The following FBXL7 variants were observed in gnomAD, a reference collection of about 807,000 sequenced individuals.
The protein encoded by FBXL7 is F-box and leucine rich repeat protein 7.
In FBXL7, 12 loss-of-function variants were observed where a neutral mutation model predicts 38.3. The observed-to-expected ratio is 0.31, with a 90% CI of 0.20 to 0.51. The LOEUF (loss-of-function observed/expected upper bound fraction) is 0.51. FBXL7 is among the 20% of genes least tolerant of loss of function. The pLI is 0.98. For missense variants in FBXL7, 567 were observed against 676.4 expected (o/e 0.84, Z 1.79); for synonymous variants, 297 against 300.9 (o/e 0.99, Z 0.13).
chr5:15,710,363 C>T (rs890139753), intron 2 of FBXL7, among the ~76,000 whole-genome samples: 1 of 152,156 alleles, frequency 6.6e-6, no homozygotes, highest in African/African-American at 2.4e-5. Flanking sequence ...CACCTCAAGG[C>T]CTCTGCATTT....
intron 1 of FBXL7, among the ~76,000 whole-genome samples, chr5:15,538,699 T>C (rs1737655661): frequency 6.6e-6 from 1 of 152,232 alleles, no homozygotes; most frequent in African/African-American, 2.4e-5. Context: ...TATTTAAAGC[T>C]ATTTAAATGC....
intron 2 of FBXL7, among the ~76,000 whole-genome samples, chr5:15,852,022 T>C (rs1739111930): frequency 6.6e-6 from 1 of 152,112 alleles, no homozygotes; most frequent in African/African-American, 2.4e-5. Context: ...ATCTCTCCTT[T>C]GCATGCCCTG....
intron 1 of FBXL7, among the ~76,000 whole-genome samples, chr5:15,550,035 A>C (rs1233844099): frequency 1.3e-5 from 2 of 152,212 alleles, no homozygotes; most frequent in African/African-American, 4.8e-5. Flanking sequence ...CTGTACAAAA[A>C]GGCTTTAGAT....
At chr5:15,799,617 C>T (rs1429993272) in intron 2 of FBXL7, among the ~76,000 whole-genome samples, 4 of 152,176 alleles carry the variant, frequency 2.6e-5, no homozygotes, top group Admixed American at 1.3e-4. Context: ...CAGCCTCGGC[C>T]TCCCGAAGTG....
intron 2 of FBXL7, among the ~76,000 whole-genome samples, chr5:15,801,661 G>A (rs1413969918): frequency 1.6e-4 from 24 of 147,516 alleles, no homozygotes; most frequent in East Asian, 1.2e-3. Flanking sequence ...GTGTGTGCGC[G>A]CGCGCGTGTG....
chr5:15,756,795 A>C (rs891816581), intron 2 of FBXL7, among the ~76,000 whole-genome samples: 3 of 152,146 alleles, frequency 2.0e-5, no homozygotes, highest in African/African-American at 7.2e-5. Flanking sequence ...TCCTTCTCAA[A>C]AGTTTTCATG....
intron 2 of FBXL7, among the ~76,000 whole-genome samples, chr5:15,837,807 G>A (rs910566915): frequency 2.6e-5 from 4 of 152,068 alleles, no homozygotes; most frequent in Non-Finnish European, 5.9e-5. Context: ...GTCTGCATCT[G>A]ACAGCTTCAG....
At chr5:15,704,456 A>G (rs1255091805) in intron 2 of FBXL7, among the ~76,000 whole-genome samples, 1 of 152,176 alleles carries the variant, frequency 6.6e-6, no homozygotes, top group Non-Finnish European at 1.5e-5. Context: ...CTCTTCTATG[A>G]TTATTCAGGT....
rs541206817 is a variant in FBXL7 at position 15,825,515 on chromosome 5, G to T, written c.128-102375G>T. ...AATTTGCTTATTTAGAATTGTTAGA[G>T]GTTTTCACCAGCTTCTAGCCAACAG... On this transcript the variant is annotated intron_variant, in intron 2 of 3. Transcript: ENST00000504595. Among the ~76,000 whole-genome samples, 5 of 152,286 alleles carry T rather than the reference G, an allele frequency of 3.3e-5. No homozygotes were observed. In the South Asian group the frequency reaches 1.0e-3, roughly 32 times the overall value.
chr5:15,722,428 T>C (rs571883594), intron 2 of FBXL7, among the ~76,000 whole-genome samples: 2 of 152,246 alleles, frequency 1.3e-5, no homozygotes, highest in African/African-American at 4.8e-5. Context: ...CTACTACAAG[T>C]TGTTAACCTC....
chr5:15,595,999 G>A (rs1168185859), intron 1 of FBXL7, among the ~76,000 whole-genome samples: 1 of 152,208 alleles, frequency 6.6e-6, no homozygotes, highest in Non-Finnish European at 1.5e-5. Flanking sequence ...ACTCATTAGG[G>A]CTGCTGTAAG....
In FBXL7 at chr5:15,709,065, C is replaced by T. The variant is rs536816882; in HGVS notation, c.127+92993C>T. On this transcript the variant is annotated intron_variant, in intron 2 of 3. Coordinates refer to ENST00000504595, the MANE Select transcript of FBXL7 (RefSeq NM_012304.5). ...GTTTAGTTCCTTTGCATTGAATGAT[C>T]AAGAGTGGGTTCCACTGAGAGCACA... is the stretch of plus-strand genomic sequence containing the variant. 3.9e-5 allele frequency among the ~76,000 whole-genome samples: 6 copies of T among 152,250 alleles called. No individual in the cohort carries two copies. The East Asian group carries it at 9.7e-4, about 25-fold the overall frequency.
rs1736462207 is a variant in FBXL7, at chr5:15,500,623, C to G, written c.-54C>G. On this transcript the variant is annotated 5_prime_UTR_variant, in exon 1 of 4. Transcript: ENST00000504595. ...CTTTCCTCGGGCCGAGCGCGCAGGA[C>G]GTGCGCCGCAGCTATGGAGTGTCCC... The G allele has an allele frequency of 1.2e-6, 2 of 1,611,666 alleles. No homozygotes were observed. The highest frequency in any genetic ancestry group is 1.6e-4 in the Middle Eastern group (1 of 6,080).
intron 2 of FBXL7, among the ~76,000 whole-genome samples, chr5:15,814,673 C>A (rs1249584823): frequency 6.6e-6 from 1 of 151,754 alleles, no homozygotes; most frequent in Non-Finnish European, 1.5e-5. Context: ...AAAAATGTTC[C>A]ATGATCAGAT....
intron 2 of FBXL7, among the ~76,000 whole-genome samples, chr5:15,628,491 G>T (rs1740890894): frequency 6.6e-6 from 1 of 152,124 alleles, no homozygotes. Flanking sequence ...GCTTGGTGGG[G>T]ATAGATTTAC....
chr5:15,873,433 A>G (rs1439163740), intron 2 of FBXL7, among the ~76,000 whole-genome samples: 2 of 152,158 alleles, frequency 1.3e-5, no homozygotes, highest in East Asian at 1.9e-4. Flanking sequence ...TGAGGGAGAT[A>G]GAGACACAAA....
rs1380165272 is a variant in FBXL7, at chr5:15,933,175, TAA to T, written c.740-3274_740-3273del. ...TTTCATCCCAAACCTAGCAAATCTATAAGAGTTTGGGCAAAACCTAAAATCTA... is the reference window on the plus strand; with the variant it reads ...TTTCATCCCAAACCTAGCAAATCTATGAGTTTGGGCAAAACCTAAAATCTA... On this transcript the variant is annotated intron_variant, in intron 3 of 3. Coordinates refer to ENST00000504595, the MANE Select transcript of FBXL7 (RefSeq NM_012304.5). Among the ~76,000 whole-genome samples the T allele has an allele frequency of 3.3e-5, 5 of 152,214 alleles. No homozygotes were observed. In the East Asian group the frequency reaches 9.6e-4, roughly 29 times the overall value.
intron 2 of FBXL7, among the ~76,000 whole-genome samples, chr5:15,712,822 C>T (rs1028244431): frequency 6.6e-6 from 1 of 152,170 alleles, no homozygotes; most frequent in Admixed American, 6.5e-5. Context: ...TATGTGTCAA[C>T]TTGTCTCCTC....
At chr5:15,527,083 C>T (rs139644929) in intron 1 of FBXL7, among the ~76,000 whole-genome samples, 7 of 152,304 alleles carry the variant, frequency 4.6e-5, no homozygotes, top group Non-Finnish European at 8.8e-5. Flanking sequence ...TCCTTTTAGA[C>T]CAGTACACCT....
Sources: gnomAD v4.1 joint callset for allele counts (sites outside exome capture counted in the v4.1 genomes callset) on GRCh38, gnomAD v4.1.1 for gene constraint, MANE v1.5 for transcripts, NCBI Gene and HGNC (gene_info 2026-07-23, HGNC 2026-07-21) for gene names.